AP3B1: variants seen among roughly 807,000 people sequenced by gnomAD.
AP3B1 encodes adaptor related protein complex 3 subunit beta 1.
In AP3B1, 61 loss-of-function variants were observed where a neutral mutation model predicts 132.5. The ratio of observed to expected loss-of-function variants is 0.46; its 90% confidence interval spans 0.37 to 0.57. AP3B1 has a LOEUF of 0.57. AP3B1 is among the 20% of genes least tolerant of loss of function. The pLI, the probability that AP3B1 is intolerant of heterozygous loss-of-function variation, is 0.00. For missense variants in AP3B1, 1,120 were observed against 1,289.4 expected (o/e 0.87, Z 2.01); for synonymous variants, 388 against 438.3 (o/e 0.89, Z 1.43).
Position 78,034,516 on chromosome 5 carries a change from T to C in AP3B1, c.2810-71A>G, listed in dbSNP as rs1269433125. The C allele has an allele frequency of 6.0e-6, 7 of 1,161,134 alleles. No individual in the cohort carries two copies. The East Asian group carries it at 1.6e-4, about 27-fold the overall frequency. 71.9% of individuals were successfully genotyped at this position (1,161,134 alleles called of 1,614,324 possible). A position where few individuals can be genotyped will look rare whatever the true frequency, so the allele number is the denominator to read the frequency against. On this transcript the variant is annotated intron_variant, in intron 23 of 26. Transcript: ENST00000255194. Reference sequence around the variant, plus strand: ...AAAGAGGCAAACTAAACACTGAAAATTTAGGTAATGTTTGTAGCTTGGTTG... The same window carrying C: ...AAAGAGGCAAACTAAACACTGAAAACTTAGGTAATGTTTGTAGCTTGGTTG...
chr5:78,038,187 G>T (rs1268352600), intron 23 of AP3B1, among the ~76,000 whole-genome samples: 1 of 152,178 alleles, frequency 6.6e-6, no homozygotes, highest in African/African-American at 2.4e-5. Context: ...TCTGCTCCAA[G>T]AAAAGTGAGA....
chr5:78,029,342 C>T (rs1349261825), intron 24 of AP3B1, among the ~76,000 whole-genome samples: 1 of 152,010 alleles, frequency 6.6e-6, no homozygotes, highest in Non-Finnish European at 1.5e-5. Context: ...ACCTAAAATA[C>T]TTCTTAATTT....
intron 2 of AP3B1, 152 bp downstream of exon 2, chr5:78,267,368 T>G: frequency 5.6e-6 from 2 of 354,872 alleles, no homozygotes; most frequent in Non-Finnish European, 9.8e-6. Flanking sequence ...TACTTTTTTC[T>G]TTAACATTTT....
intron 3 of AP3B1, among the ~76,000 whole-genome samples, chr5:78,230,230 A>G (rs915781803): frequency 1.3e-5 from 2 of 152,216 alleles, no homozygotes; most frequent in Non-Finnish European, 2.9e-5. Context: ...TATCTACAGA[A>G]ATTGTCAACA....
chr5:78,184,106 T>G (rs1580456519), intron 7 of AP3B1, among the ~76,000 whole-genome samples: 1 of 150,638 alleles, frequency 6.6e-6, no homozygotes, highest in East Asian at 2.0e-4. Context: ...GAGGCGGAGG[T>G]TGCAGTGAGT....
At chr5:78,097,662 T>G (rs1158951533) in intron 21 of AP3B1, among the ~76,000 whole-genome samples, 16 of 128,758 alleles carry the variant, frequency 1.2e-4, no homozygotes, top group Non-Finnish European at 1.8e-4. Flanking sequence ...GGTGGGGGGG[T>G]CAGCCCCCCG....
chr5:78,081,421 C>T (rs148429661), intron 22 of AP3B1, among the ~76,000 whole-genome samples: 9,140 of 150,770 alleles, frequency 0.061, 882 homozygotes, highest in African/African-American at 0.2. Flanking sequence ...CATTCTCCTG[C>T]CTCAGCCTCC....
intron 1 of AP3B1, among the ~76,000 whole-genome samples, chr5:78,271,281 C>T (rs868830488): frequency 6.6e-6 from 1 of 152,010 alleles, no homozygotes; most frequent in Non-Finnish European, 1.5e-5. Context: ...ATTAGCCTGG[C>T]ATGGTGGCAC....
chr5:78,037,308 T>A (rs1408553294), intron 23 of AP3B1, among the ~76,000 whole-genome samples: 1 of 152,134 alleles, frequency 6.6e-6, no homozygotes, highest in Non-Finnish European at 1.5e-5. Flanking sequence ...TAATTTTTTT[T>A]AACTAGGTAA....
At chr5:78,189,961 ATAT>A (rs1561467123) in intron 7 of AP3B1, among the ~76,000 whole-genome samples, 1 of 150,816 alleles carries the variant, frequency 6.6e-6, no homozygotes. Flanking sequence ...AACTAATAAA[ATAT>A]TAATAATAAA....
At chr5:78,293,565 CA>C (rs1316399638) in intron 1 of AP3B1, among the ~76,000 whole-genome samples, 2 of 152,156 alleles carry the variant, frequency 1.3e-5, no homozygotes, top group Non-Finnish European at 2.9e-5. Flanking sequence ...AACAGATCTG[CA>C]AAGCTACTAG....
In AP3B1 at chr5:78,264,931, A is replaced by G. The variant is rs1748257037; in HGVS notation, c.204+2589T>C. Among the ~76,000 whole-genome samples the G allele has an allele frequency of 2.6e-5, 4 of 152,280 alleles. No homozygotes were observed. In the South Asian group the frequency reaches 6.2e-4, roughly 24 times the overall value. ...CTGCAGGGCATAGACCTGCACTACCATGCAAAGTAGGGACTGCCCTTATTT... is the reference window on the plus strand; with the variant it reads ...CTGCAGGGCATAGACCTGCACTACCGTGCAAAGTAGGGACTGCCCTTATTT... On this transcript the variant is annotated intron_variant, in intron 2 of 26. Coordinates refer to ENST00000255194, the MANE Select transcript of AP3B1 (RefSeq NM_003664.5).
At chr5:78,211,016 A>G (rs1745713375) in intron 7 of AP3B1, among the ~76,000 whole-genome samples, 1 of 152,176 alleles carries the variant, frequency 6.6e-6, no homozygotes, top group Non-Finnish European at 1.5e-5. Flanking sequence ...GACTGCAAAG[A>G]GTAAGGTAAA....
At chr5:78,184,531 A>G (rs1368557645) in intron 7 of AP3B1, among the ~76,000 whole-genome samples, 5 of 151,564 alleles carry the variant, frequency 3.3e-5, no homozygotes, top group Non-Finnish European at 7.4e-5. Flanking sequence ...CTAAAAAAAT[A>G]CAAAAAAGTA....
chr5:78,030,029 AT>A (rs1747507037), intron 24 of AP3B1, among the ~76,000 whole-genome samples: 1 of 152,096 alleles, frequency 6.6e-6, no homozygotes, highest in Non-Finnish European at 1.5e-5. Context: ...TATTGTTAAT[AT>A]TTATTTTTCA....
chr5:78,201,989 T>C (rs989076546), intron 7 of AP3B1, among the ~76,000 whole-genome samples: 30 of 152,312 alleles, frequency 2.0e-4, no homozygotes, highest in Non-Finnish European at 4.3e-4. Flanking sequence ...CCAAATCTCA[T>C]CTTCAACTGT....
chr5:78,215,915 G>C (rs1045663537), intron 7 of AP3B1, 140 bp downstream of exon 7: 14 of 760,786 alleles, frequency 1.8e-5, no homozygotes, highest in Non-Finnish European at 2.8e-5. Flanking sequence ...GCCTGCTTTA[G>C]TAAAAGAACA....
chr5:78,006,370 T>C (rs1014926162), intron 26 of AP3B1, among the ~76,000 whole-genome samples: 34 of 152,198 alleles, frequency 2.2e-4, no homozygotes, highest in Non-Finnish European at 4.1e-4. Flanking sequence ...ATTTACCTAA[T>C]ATACACATAA....
chr5:78,155,744 T>A (rs898562519), intron 14 of AP3B1, among the ~76,000 whole-genome samples: 1 of 151,426 alleles, frequency 6.6e-6, no homozygotes, highest in African/African-American at 2.4e-5. Context: ...AGTTATGGAT[T>A]TTTTTTTAAG....
Sources: gnomAD v4.1 joint callset for allele counts (sites outside exome capture counted in the v4.1 genomes callset) on GRCh38, gnomAD v4.1.1 for gene constraint, MANE v1.5 for transcripts, NCBI Gene and HGNC (gene_info 2026-07-23, HGNC 2026-07-21) for gene names.